Variants in LSM5 observed in about 807,000 individuals in gnomAD.
LSM5 encodes U6 snRNA-associated Sm-like protein LSm5.
In LSM5, 8 loss-of-function variants were observed where a neutral mutation model predicts 13.8. That is an observed-to-expected ratio of 0.58 (90% CI 0.34 to 1.04). LSM5 has a LOEUF of 1.04. LSM5 is among the 50% of genes least tolerant of loss of function. The pLI is 0.03. For synonymous variants in LSM5, 35 were observed against 37.0 expected, an observed-to-expected ratio of 0.95 and a Z score of 0.20; for missense variants, 80 against 108.1, an observed-to-expected ratio of 0.74 and a Z score of 1.15.
rs1045022494 is a variant in LSM5 at position 32,487,152 on chromosome 7, C to A, written c.*109G>T. 5 of 937,400 alleles carry A rather than the reference C, an allele frequency of 5.3e-6. No homozygotes were observed. Among genetic ancestry groups the A allele is most frequent in the Non-Finnish European group, 8.4e-6 (5 of 592,076 alleles). 58.1% of individuals were successfully genotyped at this position (937,400 alleles called of 1,614,324 possible). A position where few individuals can be genotyped will look rare whatever the true frequency, so the allele number is the denominator to read the frequency against. On this transcript the variant is annotated 3_prime_UTR_variant, in exon 5 of 5. Transcript: ENST00000450169. ...ACATCTTCAAAGCACTTCCCTTTAA[C>A]GGGAAACTTAGCTTTATGGGATTTA...
At chr7:32,491,493 C>A (rs1786586548), upstream of LSM5, among the ~76,000 whole-genome samples, 1 of 151,630 alleles carries the variant, frequency 6.6e-6, no homozygotes, top group African/African-American at 2.4e-5. Flanking sequence ...ACCCATCATT[C>A]CTTCATAGAC....
chr7:32,493,857 C>CTT (rs3079776), upstream of LSM5, among the ~76,000 whole-genome samples: 25,658 of 141,652 alleles, frequency 0.18, 2,610 homozygotes, highest in Admixed American at 0.32. Context: ...TTATATATAT[C>CTT]TTTTTTTTTT....
At position 32,487,072 on chromosome 7, in the gene LSM5, A is replaced by G. The variant is rs868700158; in HGVS notation, c.*189T>C. The G allele has an allele frequency of 4.8e-6, 3 of 624,410 alleles. No individual in the cohort carries two copies. The South Asian group carries it at 5.7e-5, about 12-fold the overall frequency. 38.7% of individuals were successfully genotyped at this position (624,410 alleles called of 1,614,324 possible). Reference sequence around the variant, plus strand: ...ACCTTTATTTTCATCTGCAAAGAAGAAGCTCTTTTCTTCTTTTTCCAGGAT... The same window carrying G: ...ACCTTTATTTTCATCTGCAAAGAAGGAGCTCTTTTCTTCTTTTTCCAGGAT... On this transcript the variant is annotated 3_prime_UTR_variant, in exon 5 of 5. Transcript: ENST00000450169.
chr7:32,489,369 T>G (rs1199709001), intron 1 of LSM5, 25 bp from the exon 2 acceptor site: 2 of 1,300,218 alleles, frequency 1.5e-6, no homozygotes, highest in East Asian at 4.6e-5. Context: ...AATATTATTT[T>G]ACCATTCATT....
At chr7:32,494,422 C>A (rs1187023696), upstream of LSM5, among the ~76,000 whole-genome samples, 1 of 152,210 alleles carries the variant, frequency 6.6e-6, no homozygotes, top group African/African-American at 2.4e-5. Flanking sequence ...TAAAACAGTT[C>A]TACTGAATCA....
Position 32,487,317 on chromosome 7 carries a change from T to C in LSM5, c.244-24A>G, listed in dbSNP as rs200319932. 5.3e-5 allele frequency: 86 copies of C among 1,607,650 alleles called. No individual in the cohort carries two copies. The African/African-American group carries it at 9.4e-4, about 17-fold the overall frequency. On this transcript the variant is annotated intron_variant, in intron 4 of 4. Coordinates refer to ENST00000450169, the MANE Select transcript of LSM5 (RefSeq NM_012322.3). ...AGCTGCATAAAGAGGAAAAAGAGTT[T>C]ATTAATAACACTACCACCATGTCAT...
chr7:32,487,322 A>G (rs762408545), intron 4 of LSM5, 29 bp from the exon 5 acceptor site: 1 of 1,602,802 alleles, frequency 6.2e-7, no homozygotes. Context: ...GAGTTTATTA[A>G]TAACACTACC....
chr7:32,490,488 TG>T, upstream of LSM5: 1 of 763,306 alleles, frequency 1.3e-6, no homozygotes, highest in Non-Finnish European at 2.3e-6. Flanking sequence ...TCTAGTCAGC[TG>T]CGTGGGTCGC....
In LSM5 at chr7:32,486,981, A is replaced by G. The variant is rs1786463134; in HGVS notation, c.*280T>C. On this transcript the variant is annotated 3_prime_UTR_variant, in exon 5 of 5. Transcript: ENST00000450169. ...TAATGACAGAAAAGTAAGTGGCAAAATAACTACAAACTTTGTTCCACTGGC... is the reference window on the plus strand; with the variant it reads ...TAATGACAGAAAAGTAAGTGGCAAAGTAACTACAAACTTTGTTCCACTGGC... 5 of 435,946 alleles carry G rather than the reference A, an allele frequency of 1.1e-5. No homozygotes were observed. The highest frequency in any genetic ancestry group is 4.1e-5 in the African/African-American group (2 of 48,282). The allele number at this position is 435,946 out of a possible 1,614,324, so 27.0% of individuals were successfully genotyped here.
At chr7:32,494,612 C>T (rs1421978947), upstream of LSM5, among the ~76,000 whole-genome samples, 1 of 152,164 alleles carries the variant, frequency 6.6e-6, no homozygotes, top group Non-Finnish European at 1.5e-5. Flanking sequence ...CTAGATAAGA[C>T]TTGTTAAATC....
chr7:32,494,125 A>G (rs1786667528), upstream of LSM5, among the ~76,000 whole-genome samples: 1 of 152,168 alleles, frequency 6.6e-6, no homozygotes, highest in African/African-American at 2.4e-5. Context: ...GTGAGCCACC[A>G]CACCCGGCCC....
At chr7:32,489,929 G>A (rs1195694582) in intron 1 of LSM5, 2 of 770,606 alleles carry the variant, frequency 2.6e-6, no homozygotes, top group Non-Finnish European at 3.6e-6. Context: ...GGCTCATTCC[G>A]GACCAGGGTG....
At position 32,485,870 on chromosome 7, in the gene LSM5, G is replaced by C. The variant is rs574950283; in HGVS notation, c.*1391C>G. ...GAGGCGGAGGTCGCGTTGATATCGC[G>C]ACAAGGCACACCAGCCTGACTGGAG... On this transcript the variant is annotated 3_prime_UTR_variant, in exon 5 of 5. Coordinates refer to ENST00000450169, the MANE Select transcript of LSM5 (RefSeq NM_012322.3). 1 of 148,254 alleles carries C rather than the reference G, an allele frequency of 6.7e-6. No individual in the cohort carries two copies. Among genetic ancestry groups the C allele is most frequent in the Non-Finnish European group, 1.5e-5 (1 of 67,708 alleles). 9.2% of individuals were successfully genotyped at this position (148,254 alleles called of 1,614,324 possible).
rs1786434037 is a variant in LSM5 at position 32,485,960 on chromosome 7, A to C, written c.*1301T>G. 1 of 151,910 alleles carries C rather than the reference A, an allele frequency of 6.6e-6. No individual in the cohort carries two copies. Among genetic ancestry groups the C allele is most frequent in the Non-Finnish European group, 1.5e-5 (1 of 67,976 alleles). 9.4% of individuals were successfully genotyped at this position (151,910 alleles called of 1,614,324 possible). On this transcript the variant is annotated 3_prime_UTR_variant, in exon 5 of 5. Transcript: ENST00000450169. ...GACTCTCCAAAAAAAAAAAAAAAAAAAAAAAAAGGAAAAGAAAACTTTAGA... is the reference window on the plus strand; with the variant it reads ...GACTCTCCAAAAAAAAAAAAAAAAACAAAAAAAGGAAAAGAAAACTTTAGA...
At position 32,489,056 on chromosome 7, in the gene LSM5, G is replaced by A. The variant is rs1786512859; in HGVS notation, c.142+193C>T. Among the ~76,000 whole-genome samples, 4 of 152,308 alleles carry A rather than the reference G, an allele frequency of 2.6e-5. No individual in the cohort carries two copies. The South Asian group carries it at 8.3e-4, about 32-fold the overall frequency. Reference sequence around the variant, plus strand: ...TTTTAATTACAATGTTTAATACAATGGCTCAAATTCAAAATGCTTGTTGTT... The same window carrying A: ...TTTTAATTACAATGTTTAATACAATAGCTCAAATTCAAAATGCTTGTTGTT... On this transcript the variant is annotated intron_variant, in intron 2 of 4. Transcript: ENST00000450169.
At chr7:32,487,356 G>A in intron 4 of LSM5, 63 bp from the exon 5 acceptor site, 1 of 1,431,104 alleles carries the variant, frequency 7.0e-7, no homozygotes. Flanking sequence ...AAAACCCCTT[G>A]CTCTTCATTA....
At chr7:32,490,566 C>G, upstream of LSM5, 2 of 600,612 alleles carry the variant, frequency 3.3e-6, no homozygotes, top group Non-Finnish European at 6.1e-6. Flanking sequence ...GGACATTTTA[C>G]CATCTCGGCA....
upstream of LSM5, among the ~76,000 whole-genome samples, chr7:32,491,810 T>C (rs1181990826): frequency 6.6e-6 from 1 of 152,238 alleles, no homozygotes; most frequent in Non-Finnish European, 1.5e-5. Context: ...GATGTCTGGC[T>C]CAGAGTGAAG....
At chr7:32,488,545 T>C in intron 3 of LSM5, 80 bp downstream of exon 3, 1 of 929,864 alleles carries the variant, frequency 1.1e-6, no homozygotes, top group Non-Finnish European at 1.8e-6. Context: ...TAATGTTTTC[T>C]CATAAATAAT....
Sources: allele counts gnomAD v4.1 joint callset (sites outside exome capture counted in the v4.1 genomes callset), GRCh38; gene constraint gnomAD v4.1.1; transcripts MANE v1.5; gene names NCBI Gene and HGNC (gene_info 2026-07-23, HGNC 2026-07-21).